Variants in GOLIM4 observed in about 807,000 individuals in gnomAD.
GOLIM4 encodes the protein 130 kDa golgi-localized phosphoprotein.
In GOLIM4, 71 loss-of-function variants were observed where a neutral mutation model predicts 107.4. The observed-to-expected ratio is 0.66, with a 90% CI of 0.55 to 0.81. The LOEUF (loss-of-function observed/expected upper bound fraction) is 0.81, where lower values mean the gene tolerates loss of function less well. GOLIM4 is among the 30% of genes least tolerant of loss of function. The probability of loss-of-function intolerance (pLI) is 0.00; values close to 1 mark genes in which losing one functional copy is unlikely to be tolerated. For synonymous variants in GOLIM4, 327 were observed against 294.8 expected (o/e 1.11, Z -1.12); for missense variants, 830 against 826.1 (o/e 1.00, Z -0.06).
chr3:168,025,211 GA>G, intron 12 of GOLIM4, 116 bp from the exon 13 acceptor site: 1 of 768,388 alleles, frequency 1.3e-6, no homozygotes, highest in South Asian at 1.9e-5. Flanking sequence ...CAATTGTTCA[GA>G]TCTATCCTTG....
chr3:168,044,168 T>C, intron 4 of GOLIM4, among the ~76,000 whole-genome samples: 1 of 152,112 alleles, frequency 6.6e-6, no homozygotes, highest in Non-Finnish European at 1.5e-5. Context: ...AAGATTCCGG[T>C]TTCAATAAAA....
At chr3:168,074,141 A>G (rs1020178950) in intron 1 of GOLIM4, among the ~76,000 whole-genome samples, 3 of 152,178 alleles carry the variant, frequency 2.0e-5, no homozygotes, top group African/African-American at 7.2e-5. Flanking sequence ...GACAACAGTG[A>G]GGAACAGCCA....
intron 14 of GOLIM4, among the ~76,000 whole-genome samples, chr3:168,013,754 T>C (rs1717199009): frequency 6.6e-6 from 1 of 150,860 alleles, no homozygotes; most frequent in Admixed American, 6.6e-5. Context: ...ACCGCTCAAC[T>C]ACATGGAAAC....
Position 168,085,289 on chromosome 3 carries a change from A to C in GOLIM4, c.187+9810T>G, listed in dbSNP as rs546237338. ...GTTTGTTAAAATCTTGGAATGATCA[A>C]AAGTGATATCTCAGAGTACTATTTC... is the stretch of plus-strand genomic sequence containing the variant. On this transcript the variant is annotated intron_variant, in intron 1 of 15. Coordinates refer to ENST00000470487, the MANE Select transcript of GOLIM4 (RefSeq NM_014498.5). Among the ~76,000 whole-genome samples, 18 of 152,362 alleles carry C rather than the reference A, an allele frequency of 1.2e-4. No individual in the cohort carries two copies. The South Asian group carries it at 3.1e-3, about 26-fold the overall frequency.
At chr3:168,015,287 A>G (rs916456380) in intron 14 of GOLIM4, among the ~76,000 whole-genome samples, 17 of 146,028 alleles carry the variant, frequency 1.2e-4, no homozygotes, top group African/African-American at 4.6e-4. Context: ...ACTCCCATTC[A>G]CAATTGCTTC....
chr3:168,024,456 T>G, intron 14 of GOLIM4, 70 bp downstream of exon 14: 138 of 1,075,804 alleles, frequency 1.3e-4, no homozygotes, highest in Non-Finnish European at 1.9e-4. Flanking sequence ...TCAATACTGC[T>G]GAGGTTTGTT....
At chr3:168,017,627 C>G (rs141495455) in intron 14 of GOLIM4, among the ~76,000 whole-genome samples, 97 of 152,322 alleles carry the variant, frequency 6.4e-4, no homozygotes, top group African/African-American at 2.2e-3. Context: ...CTAGATCAAG[C>G]TTGTCCAACC....
intron 15 of GOLIM4, among the ~76,000 whole-genome samples, 153 bp from the exon 16 acceptor site, chr3:168,010,571 C>T (rs1053524583): frequency 1.3e-5 from 2 of 152,172 alleles, no homozygotes; most frequent in African/African-American, 2.4e-5. Context: ...GTCTCTCCTA[C>T]TTTTCATGTT....
At chr3:168,077,034 G>T (rs372756438) in intron 1 of GOLIM4, among the ~76,000 whole-genome samples, 2 of 151,994 alleles carry the variant, frequency 1.3e-5, no homozygotes, top group African/African-American at 4.8e-5. Context: ...CATACCCTCC[G>T]CCTAAAAGTA....
intron 1 of GOLIM4, among the ~76,000 whole-genome samples, chr3:168,076,475 C>T (rs1264609160): frequency 2.6e-5 from 4 of 152,144 alleles, no homozygotes; most frequent in East Asian, 1.9e-4. Context: ...GGGAGGATCA[C>T]GAGGTCAAGA....
At chr3:168,064,245 C>A (rs747824810) in intron 1 of GOLIM4, among the ~76,000 whole-genome samples, 1 of 152,196 alleles carries the variant, frequency 6.6e-6, no homozygotes, top group Admixed American at 6.5e-5. Flanking sequence ...CCCACTACTA[C>A]ACTGTGGGGC....
chr3:168,089,800 G>A lies in GOLIM4; in HGVS notation c.187+5299C>T, dbSNP rs550925557. ...TTTTTTTTTTTTGAGACAGAGTCTC[G>A]CTCTGTTGCCCAGGCTGGAGTGCAG... On this transcript the variant is annotated intron_variant, in intron 1 of 15. Coordinates refer to ENST00000470487, the MANE Select transcript of GOLIM4 (RefSeq NM_014498.5). Among the ~76,000 whole-genome samples, 89 of 144,342 alleles carry A rather than the reference G, an allele frequency of 6.2e-4. No individual in the cohort carries two copies. In the South Asian group the frequency reaches 0.019, roughly 31 times the overall value. 94.7% of individuals were successfully genotyped at this position (144,342 alleles called of 152,430 possible).
chr3:168,018,625 G>A (rs2108213490), intron 14 of GOLIM4, among the ~76,000 whole-genome samples: 1 of 152,230 alleles, frequency 6.6e-6, no homozygotes. Flanking sequence ...CATAGTCGTA[G>A]AACCTCATAG....
intron 3 of GOLIM4, among the ~76,000 whole-genome samples, chr3:168,045,921 G>C (rs1036418684): frequency 3.3e-5 from 5 of 152,116 alleles, no homozygotes; most frequent in African/African-American, 1.2e-4. Context: ...CTGCCCTGTT[G>C]TCCAGGCTGG....
chr3:168,072,605 G>T (rs1484214421), intron 1 of GOLIM4, among the ~76,000 whole-genome samples: 1 of 151,758 alleles, frequency 6.6e-6, no homozygotes, highest in Non-Finnish European at 1.5e-5. Flanking sequence ...TAAATAGCTA[G>T]ACTAAAAATA....
At chr3:168,031,389 G>A (rs940470083) in intron 9 of GOLIM4, among the ~76,000 whole-genome samples, 1 of 152,196 alleles carries the variant, frequency 6.6e-6, no homozygotes, top group Non-Finnish European at 1.5e-5. Flanking sequence ...TAGGTTTGAT[G>A]TGATGGGTTA....
intron 1 of GOLIM4, among the ~76,000 whole-genome samples, chr3:168,054,270 TCAC>T (rs1412397541): frequency 2.0e-5 from 3 of 152,198 alleles, no homozygotes; most frequent in African/African-American, 7.2e-5. Flanking sequence ...CAGTGGCTTC[TCAC>T]CACATCGGGA....
intron 5 of GOLIM4, among the ~76,000 whole-genome samples, chr3:168,043,162 G>A (rs188143682): frequency 1.3e-5 from 2 of 152,114 alleles, no homozygotes; most frequent in Admixed American, 6.5e-5. Context: ...AATACACTAC[G>A]ATACAACAGA....
chr3:168,085,069 G>A (rs560598706), intron 1 of GOLIM4, among the ~76,000 whole-genome samples: 32 of 152,280 alleles, frequency 2.1e-4, no homozygotes, highest in African/African-American at 7.7e-4. Context: ...TAAACTATGA[G>A]AAGAAAGAGA....
Sources: allele counts gnomAD v4.1 joint callset (sites outside exome capture counted in the v4.1 genomes callset), GRCh38; gene constraint gnomAD v4.1.1; transcripts MANE v1.5; gene names NCBI Gene and HGNC (gene_info 2026-07-23, HGNC 2026-07-21).